The following FOXJ3 variants were observed in gnomAD, a reference collection of about 807,000 sequenced individuals.
FOXJ3 encodes forkhead box J3.
FOXJ3 carries 22 observed loss-of-function variants against 76.1 expected under a neutral mutation model. The observed-to-expected ratio is 0.29, with a 90% CI of 0.21 to 0.41. The LOEUF (loss-of-function observed/expected upper bound fraction) is 0.41, where lower values mean the gene tolerates loss of function less well. Among genes scored for constraint, FOXJ3 ranks in the 10% least tolerant of loss-of-function variants. FOXJ3 has a pLI of 1.00. For missense variants in FOXJ3, 613 were observed against 762.1 expected (o/e 0.80, Z 2.30); for synonymous variants, 269 against 261.2 (o/e 1.03, Z -0.29).
chr1:42,196,815 T>C (rs1451126765), intron 7 of FOXJ3, among the ~76,000 whole-genome samples: 1 of 152,200 alleles, frequency 6.6e-6, no homozygotes, highest in Non-Finnish European at 1.5e-5. Flanking sequence ...ACATGCTTCT[T>C]TAATTTGTCC....
chr1:42,182,044 A>T lies in FOXJ3; in HGVS notation c.1646-20T>A, dbSNP rs952870847. 2 of 1,388,930 alleles carry T rather than the reference A, an allele frequency of 1.4e-6. No individual in the cohort carries two copies. The highest frequency in any genetic ancestry group is 3.6e-5 in the Admixed American group (2 of 55,736). The allele number at this position is 1,388,930 out of a possible 1,614,324, so 86.0% of individuals were successfully genotyped here. On this transcript the variant is annotated intron_variant, in intron 11 of 12. Coordinates refer to ENST00000361346, the MANE Select transcript of FOXJ3 (RefSeq NM_014947.5). ...AATTTCCTAATCAGATTAAAAGCAGAAAGAGGGAAAACATGTTACCACAAA... is the reference window on the plus strand; with the variant it reads ...AATTTCCTAATCAGATTAAAAGCAGTAAGAGGGAAAACATGTTACCACAAA...
At chr1:42,329,315 C>T (rs1656021489) in intron 1 of FOXJ3, among the ~76,000 whole-genome samples, 1 of 152,196 alleles carries the variant, frequency 6.6e-6, no homozygotes, top group Non-Finnish European at 1.5e-5. Context: ...TCCTGTACAG[C>T]AGATGCCTTT....
intron 3 of FOXJ3, among the ~76,000 whole-genome samples, chr1:42,273,654 A>G (rs1204132283): frequency 6.9e-6 from 1 of 144,424 alleles, no homozygotes; most frequent in African/African-American, 2.6e-5. Flanking sequence ...CAGCCTGGAC[A>G]ACAGAGCGAC....
intron 5 of FOXJ3, among the ~76,000 whole-genome samples, chr1:42,218,062 A>G (rs1647107922): frequency 1.3e-5 from 2 of 152,194 alleles, no homozygotes; most frequent in African/African-American, 4.8e-5. Flanking sequence ...TAGTTTTCCC[A>G]ATTGAAATAA....
chr1:42,238,435 T>C (rs182681861), intron 4 of FOXJ3, among the ~76,000 whole-genome samples: 1 of 152,240 alleles, frequency 6.6e-6, no homozygotes. Context: ...CAAGCTGACC[T>C]GCGGGCTGGC....
chr1:42,244,937 CT>C (rs764672796), intron 4 of FOXJ3, among the ~76,000 whole-genome samples: 10 of 152,052 alleles, frequency 6.6e-5, no homozygotes, highest in Non-Finnish European at 1.5e-4. Context: ...ATCCAAGCAC[CT>C]TGGGAGGCCG....
rs2124081595 is a variant in FOXJ3 at position 42,179,289 on chromosome 1, T to C, written c.*421A>G. The C allele has an allele frequency of 6.5e-6, 1 of 153,020 alleles. No homozygotes were observed. Among genetic ancestry groups the C allele is most frequent in the Middle Eastern group, 3.4e-3 (1 of 294 alleles). The allele number at this position is 153,020 out of a possible 1,614,324, so 9.5% of individuals were successfully genotyped here. Reference sequence around the variant, plus strand: ...CAAGGAATAAAAACTGACAATAACTTTCAAGACATAATAATCCAATTAGAA... The same window carrying C: ...CAAGGAATAAAAACTGACAATAACTCTCAAGACATAATAATCCAATTAGAA... On this transcript the variant is annotated 3_prime_UTR_variant, in exon 13 of 13. Transcript: ENST00000361346.
At chr1:42,256,256 T>G (rs1437078110) in intron 4 of FOXJ3, among the ~76,000 whole-genome samples, 3 of 152,218 alleles carry the variant, frequency 2.0e-5, no homozygotes, top group Admixed American at 6.5e-5. Flanking sequence ...TCAAATTTTC[T>G]ACTTTTTAAA....
At chr1:42,212,967 A>AC (rs1646993741) in intron 5 of FOXJ3, among the ~76,000 whole-genome samples, 1 of 144,848 alleles carries the variant, frequency 6.9e-6, no homozygotes, top group African/African-American at 2.8e-5. Flanking sequence ...CAAAAAAAAA[A>AC]AAAACAAAAA....
chr1:42,309,373 C>T (rs1654668065), intron 2 of FOXJ3, among the ~76,000 whole-genome samples: 1 of 152,176 alleles, frequency 6.6e-6, no homozygotes, highest in Non-Finnish European at 1.5e-5. Context: ...ACCACTTATC[C>T]AATATATGGC....
chr1:42,201,917 T>A (rs1380108975), intron 6 of FOXJ3, among the ~76,000 whole-genome samples: 1 of 152,194 alleles, frequency 6.6e-6, no homozygotes, highest in Non-Finnish European at 1.5e-5. Context: ...ATTTTCTATT[T>A]ATTCTTGCGC....
At chr1:42,243,158 A>T (rs1649282376) in intron 4 of FOXJ3, among the ~76,000 whole-genome samples, 1 of 152,184 alleles carries the variant, frequency 6.6e-6, no homozygotes. Context: ...ACCATTAGAC[A>T]AACCCTACAA....
chr1:42,189,478 G>T, intron 9 of FOXJ3, 74 bp from the exon 10 acceptor site: 2 of 1,040,482 alleles, frequency 1.9e-6, no homozygotes, highest in Non-Finnish European at 2.9e-6. Flanking sequence ...ACGATGAGCT[G>T]CCCTTATTCC....
chr1:42,215,246 TA>T (rs893986294), intron 5 of FOXJ3, among the ~76,000 whole-genome samples: 34 of 151,532 alleles, frequency 2.2e-4, no homozygotes, highest in Non-Finnish European at 3.5e-4. Flanking sequence ...GAAATAAAGT[TA>T]AAAAAAACTT....
chr1:42,194,544 T>A (rs1013877478), intron 8 of FOXJ3, among the ~76,000 whole-genome samples: 1 of 152,240 alleles, frequency 6.6e-6, no homozygotes, highest in Non-Finnish European at 1.5e-5. Context: ...TCTATTCTTG[T>A]GGTGCAACAT....
chr1:42,189,421 A>G lies in FOXJ3; in HGVS notation c.1352-17T>C, dbSNP rs767670063. ...TTGAAACACCTATAAAATATTGACA[A>G]CAGTGTAATTCCTGGATGGTGAAAG... On this transcript the variant is annotated splice_polypyrimidine_tract_variant and intron_variant, in intron 9 of 12. Coordinates refer to ENST00000361346, the MANE Select transcript of FOXJ3 (RefSeq NM_014947.5). The G allele has an allele frequency of 1.9e-6, 3 of 1,539,578 alleles. No homozygotes were observed. Among genetic ancestry groups the G allele is most frequent in the Non-Finnish European group, 2.7e-6 (3 of 1,113,526 alleles).
At chr1:42,301,378 T>G (rs1045370673) in intron 2 of FOXJ3, among the ~76,000 whole-genome samples, 1 of 152,026 alleles carries the variant, frequency 6.6e-6, no homozygotes, top group Non-Finnish European at 1.5e-5. Flanking sequence ...TTTTTGTATT[T>G]TTAGTAGAGA....
chr1:42,272,244 C>T (rs1430065564), intron 3 of FOXJ3, among the ~76,000 whole-genome samples: 1 of 152,174 alleles, frequency 6.6e-6, no homozygotes, highest in Non-Finnish European at 1.5e-5. Flanking sequence ...TAAGTGACCT[C>T]CCATTTTCCC....
At chr1:42,279,246 A>T (rs1012918797) in intron 2 of FOXJ3, among the ~76,000 whole-genome samples, 2 of 152,192 alleles carry the variant, frequency 1.3e-5, no homozygotes, top group Non-Finnish European at 2.9e-5. Flanking sequence ...GGTATACAAG[A>T]ATAGCAAGGA....
Sources: allele counts gnomAD v4.1 joint callset (sites outside exome capture counted in the v4.1 genomes callset), GRCh38; gene constraint gnomAD v4.1.1; transcripts MANE v1.5; gene names NCBI Gene and HGNC (gene_info 2026-07-23, HGNC 2026-07-21).